The following USP50 variants were observed in gnomAD, a reference collection of about 807,000 sequenced individuals.
The protein encoded by USP50 is ubiquitin specific peptidase 50.
USP50 carries 37 observed loss-of-function variants against 39.2 expected under a neutral mutation model. The ratio of observed to expected loss-of-function variants is 0.94; its 90% CI spans 0.73 to 1.24. USP50 has a LOEUF of 1.24. Ranked by LOEUF, USP50 falls within the 50% of genes most tolerant of loss-of-function variation. The pLI, the probability that USP50 is intolerant of heterozygous loss-of-function variation, is 0.00. For synonymous variants in USP50, 139 were observed against 144.5 expected, an observed-to-expected ratio of 0.96 and a Z score of 0.27; for missense variants, 374 against 398.2, an observed-to-expected ratio of 0.94 and a Z score of 0.52.
chr15:50,510,576 T>C (rs2052722536), intron 6 of USP50: 1 of 152,176 alleles, frequency 6.6e-6, no homozygotes, highest in African/African-American at 2.4e-5. Flanking sequence ...TGTGGGTATG[T>C]AGAAGAATGT....
chr15:50,544,711 C>T lies in USP50; in HGVS notation c.124G>A (p.Gly42Ser), dbSNP rs1190592252. ...EADGNQPHFQGVTGLWNLGNT... is the reference protein window; with the variant it reads ...EADGNQPHFQSVTGLWNLGNT... ...CCCAAGTTCCACAAGCCAGTGACAC[C>T]CTGAAAATGGGGCTGGTTCCCATCA... The change falls in exon 2 of 7, where the codon GGT (glycine) becomes AGT (serine). Residue 42 changes from glycine to serine, a missense_variant. Gly to Ser is a moderately conservative substitution (Grantham distance 56). Coordinates refer to ENST00000532404, the MANE Select transcript of USP50 (RefSeq NM_203494.5). The T allele has an allele frequency of 3.1e-6, 5 of 1,613,840 alleles. No homozygotes were observed. In the African/African-American group the frequency reaches 5.3e-5, roughly 17 times the overall value.
At chr15:50,544,564 G>T (rs766332750) in intron 2 of USP50, 23 bp downstream of exon 2, 2 of 1,601,046 alleles carry the variant, frequency 1.2e-6, no homozygotes, top group South Asian at 2.2e-5. Flanking sequence ...GGGCTGGGCT[G>T]CAGGGAATGC....
intron 4 of USP50, among the ~76,000 whole-genome samples, chr15:50,539,612 C>T (rs961478696): frequency 6.6e-6 from 1 of 152,004 alleles, no homozygotes; most frequent in Non-Finnish European, 1.5e-5. Flanking sequence ...GATGGGGTTT[C>T]ACCATGTTGG....
chr15:50,500,081 A>ACACT (rs1555393651), downstream of USP50: 1 of 152,166 alleles, frequency 6.6e-6, no homozygotes, highest in Non-Finnish European at 1.5e-5. Context: ...AGTCAGTAAA[A>ACACT]CACTCCATAT....
chr15:50,494,307 C>T (rs1328637066), intron 1 of USP50: 3 of 1,576,064 alleles, frequency 1.9e-6, no homozygotes, highest in East Asian at 4.5e-5. Flanking sequence ...TTCTAAGTTG[C>T]AGAGACTCTT....
intron 3 of USP50, among the ~76,000 whole-genome samples, chr15:50,542,481 ATTTTTTTTTTTTTT>A (rs11292495): frequency 1.0e-5 from 1 of 97,396 alleles, no homozygotes; most frequent in Admixed American, 1.4e-4. Context: ...TTTCCTTTTC[ATTTTTTTTTTTTTT>A]TTTTTTTCTT....
At chr15:50,546,348 G>A (rs2053070797) in intron 1 of USP50, 125 bp downstream of exon 1, 7 of 940,052 alleles carry the variant, frequency 7.4e-6, no homozygotes, top group South Asian at 4.3e-5. Flanking sequence ...CTTCCTTTCC[G>A]GGGACCTTCC....
intron 6 of USP50, among the ~76,000 whole-genome samples, chr15:50,519,308 T>TA (rs201142496): frequency 0.016 from 2,334 of 146,920 alleles, 58 homozygotes; most frequent in African/African-American, 0.053. Context: ...TACAATACAA[T>TA]AAAAAAAAAG....
intron 6 of USP50, chr15:50,507,333 T>G (rs1472849583): frequency 6.6e-6 from 1 of 152,176 alleles, no homozygotes; most frequent in Non-Finnish European, 1.5e-5. Context: ...CTATATAACA[T>G]TTAGAACTCA....
At chr15:50,540,283 C>T (rs908762919) in intron 4 of USP50, among the ~76,000 whole-genome samples, 1 of 152,128 alleles carries the variant, frequency 6.6e-6, no homozygotes, top group African/African-American at 2.4e-5. Flanking sequence ...TAAACCAAGG[C>T]ACTAGATTCC....
At chr15:50,498,999 G>A, downstream of USP50, 1 of 1,613,918 alleles carries the variant, frequency 6.2e-7, no homozygotes, top group Non-Finnish European at 8.5e-7. Flanking sequence ...TGAAGTTTCT[G>A]ATATCTCCGT....
downstream of USP50, chr15:50,498,167 G>T (rs62019114): frequency 0.17 from 26,467 of 154,770 alleles, 2,649 homozygotes; most frequent in Non-Finnish European, 0.22. Context: ...ATAATGGAAT[G>T]AATGACATTA....
intron 5 of USP50, among the ~76,000 whole-genome samples, chr15:50,537,239 A>G (rs1222915659): frequency 2.0e-4 from 29 of 148,712 alleles, no homozygotes; most frequent in Admixed American, 1.9e-3. Flanking sequence ...ATCCACGCGA[A>G]AAAAAAAAGA....
At chr15:50,498,554 T>TATC (rs1566895183), downstream of USP50, 1 of 1,552,106 alleles carries the variant, frequency 6.4e-7, no homozygotes, top group Admixed American at 1.9e-5. Flanking sequence ...TTCATCCTGG[T>TATC]ATCTTCCTCT....
At chr15:50,513,977 C>T (rs947381586) in intron 6 of USP50, 30 of 152,274 alleles carry the variant, frequency 2.0e-4, no homozygotes, top group African/African-American at 6.7e-4. Context: ...TTTATAGCAA[C>T]CCTCTTTGCA....
intron 5 of USP50, among the ~76,000 whole-genome samples, chr15:50,530,339 T>C (rs1289859123): frequency 1.3e-5 from 2 of 151,530 alleles, no homozygotes; most frequent in African/African-American, 4.9e-5. Context: ...TCCTAGCACT[T>C]TGGGAGGCTG....
rs1262153847 is a variant in USP50 at position 50,525,701 on chromosome 15, A to ATATATGTATATATG, written c.936+4082_936+4095dup. ...ATGTATATTATATATGTATATGTAT[A>ATATATGTATATATG]TATATGTATATATGTATATGTATAT... is the stretch of plus-strand genomic sequence containing the variant. On this transcript the variant is annotated intron_variant, in intron 6 of 6. Transcript: ENST00000532404. Among the ~76,000 whole-genome samples the ATATATGTATATATG allele has an allele frequency of 4.8e-5, 5 of 104,968 alleles. 1 individual carries two copies. The highest frequency in any genetic ancestry group is 7.7e-5 in the Non-Finnish European group (4 of 52,068). 68.9% of individuals were successfully genotyped at this position (104,968 alleles called of 152,430 possible).
intron 6 of USP50, chr15:50,504,960 T>G (rs2052638854): frequency 6.8e-6 from 1 of 146,058 alleles, no homozygotes; most frequent in African/African-American, 2.5e-5. Flanking sequence ...CCAGTGTGGG[T>G]GACAGAGTGA....
chr15:50,499,732 A>G (rs530339335), downstream of USP50: 4 of 152,300 alleles, frequency 2.6e-5, no homozygotes, highest in South Asian at 8.3e-4. Context: ...TTTTAAAACG[A>G]GAATTTCATT....
Sources: allele counts gnomAD v4.1 joint callset (sites outside exome capture counted in the v4.1 genomes callset), GRCh38; gene constraint gnomAD v4.1.1; transcripts MANE v1.5; gene names NCBI Gene and HGNC (gene_info 2026-07-23, HGNC 2026-07-21).